ABL2: variants seen among roughly 807,000 people sequenced by gnomAD.
The protein encoded by ABL2 is ABL proto-oncogene 2, non-receptor tyrosine kinase.
ABL2 carries 49 observed loss-of-function variants against 107.7 expected under a neutral mutation model. That is an observed-to-expected ratio of 0.45 (90% CI 0.36 to 0.58). The LOEUF is 0.58. Among genes scored for constraint, ABL2 ranks in the 20% least tolerant of loss-of-function variants. The pLI, the probability that ABL2 is intolerant of heterozygous loss-of-function variation, is 0.00. For missense variants in ABL2, 1,245 were observed against 1,457.0 expected (o/e 0.85, Z 2.37); for synonymous variants, 549 against 548.6 (o/e 1.00, Z -0.01).
At position 179,229,326 on chromosome 1, in the gene ABL2, G is replaced by T. The variant is rs773962365; in HGVS notation, c.72C>A (p.Gly24=). 47 of 1,584,354 alleles carry T rather than the reference G, an allele frequency of 3.0e-5. No individual in the cohort carries two copies. Among genetic ancestry groups the T allele is most frequent in the Non-Finnish European group, 3.9e-5 (46 of 1,168,198 alleles). The change falls in exon 1 of 12, where the codon GGC becomes GGA. Residue 24 remains glycine, a synonymous_variant. Transcript: ENST00000502732. ...GGCCGGAGGGCCTGGCTGCACTGCT[G>T]CCCCGGATCCCGCGGGGCTGAGGCT... ...LQQPQPRGIR[G]SSAARPSGRR...
rs10643666 is a variant in ABL2, at chr1:179,130,726, TTGTGTGTGTGTG to T, written c.391+573_391+584del. 1.4e-3 allele frequency among the ~76,000 whole-genome samples: 200 copies of T among 142,812 alleles called. 1 individual carries two copies. The highest frequency in any genetic ancestry group is 4.6e-3 in the African/African-American group (178 of 38,438). The allele number at this position is 142,812 out of a possible 152,430, so 93.7% of individuals were successfully genotyped here. The stretch of plus-strand genomic sequence containing the variant: ...CAAATAAAATCAATCATTATTGATT[TTGTGTGTGTGTG>T]TGTGTGTGTGTGTGTGTGTGTGTGT... On this transcript the variant is annotated intron_variant, in intron 3 of 11. Transcript: ENST00000502732.
At chr1:179,197,853 G>C (rs1661412033) in intron 1 of ABL2, among the ~76,000 whole-genome samples, 1 of 129,216 alleles carries the variant, frequency 7.7e-6, no homozygotes, top group Non-Finnish European at 1.6e-5. Context: ...TGGGTGACAA[G>C]AACGAAACTG....
intron 1 of ABL2, among the ~76,000 whole-genome samples, chr1:179,165,279 G>C (rs1659311892): frequency 6.6e-6 from 1 of 152,198 alleles, no homozygotes. Flanking sequence ...GGAAGGATGA[G>C]ATCTGTGTCC....
chr1:179,211,006 C>A (rs572730592), intron 1 of ABL2, among the ~76,000 whole-genome samples: 6 of 152,160 alleles, frequency 3.9e-5, no homozygotes, highest in African/African-American at 1.4e-4. Context: ...GAGCTGACGC[C>A]ACCTTGACAA....
chr1:179,229,290 G>A lies in ABL2; in HGVS notation c.108C>T (p.Asp36=). ...SAARPSGRRR[D]PAGRTTETGF... ...CGGTCTCTGTGGTGCGCCCCGCCGG[G>A]TCCCGCCTGCGGCCGGAGGGCCTGG... The change falls in exon 1 of 12, where the codon GAC becomes GAT. Residue 36 remains aspartate, a synonymous_variant. Coordinates refer to ENST00000502732, the MANE Select transcript of ABL2 (RefSeq NM_007314.4). 6.4e-7 allele frequency: 1 copy of A among 1,572,748 alleles called. No homozygotes were observed.
At chr1:179,147,363 T>C (rs1189014138) in intron 1 of ABL2, among the ~76,000 whole-genome samples, 1 of 152,140 alleles carries the variant, frequency 6.6e-6, no homozygotes, top group Non-Finnish European at 1.5e-5. Flanking sequence ...CACTACTGGG[T>C]ATCTACCCAA....
intron 1 of ABL2, among the ~76,000 whole-genome samples, chr1:179,195,920 G>A (rs886899323): frequency 6.6e-6 from 1 of 152,350 alleles, no homozygotes; most frequent in Non-Finnish European, 1.5e-5. Context: ...CAGATGCAGA[G>A]CTTCAGTCTG....
At chr1:179,142,932 C>T (rs764609122) in intron 1 of ABL2, 1 of 1,613,820 alleles carries the variant, frequency 6.2e-7, no homozygotes, top group Admixed American at 1.7e-5. Flanking sequence ...CTGAACCATA[C>T]CTGTTAAGTC....
At position 179,107,920 on chromosome 1, in the gene ABL2, A is replaced by G; in HGVS notation, c.3347T>C (p.Leu1116Pro). The change falls in exon 12 of 12, where the codon CTG becomes CCG. Residue 1116 changes from leucine to proline, a missense_variant. Coordinates refer to ENST00000502732, the MANE Select transcript of ABL2 (RefSeq NM_007314.4). ...CACATAGCCTGAGCAGTAGTCAAGC[A>G]GCTGGTGTCCAGTGTCTACCAGCTG... is the stretch of plus-strand genomic sequence containing the variant. Reference protein sequence around the residue: ...NSQLVDTGHQLLDYCSGYVDC... With the variant: ...NSQLVDTGHQPLDYCSGYVDC... The G allele has an allele frequency of 6.2e-7, 1 of 1,614,250 alleles. No individual in the cohort carries two copies. The highest frequency in any genetic ancestry group is 8.5e-7 in the Non-Finnish European group (1 of 1,180,044).
intron 1 of ABL2, among the ~76,000 whole-genome samples, chr1:179,141,115 C>CAA (rs34158477): frequency 1.9e-3 from 117 of 62,730 alleles, no homozygotes; most frequent in Middle Eastern, 0.01. Flanking sequence ...GACTCTGTCT[C>CAA]AAAAAAAAAA....
intron 1 of ABL2, among the ~76,000 whole-genome samples, chr1:179,146,625 G>T (rs1288190795): frequency 6.6e-6 from 1 of 152,090 alleles, no homozygotes; most frequent in East Asian, 1.9e-4. Flanking sequence ...GGCAGGATCA[G>T]GCGGAGATAA....
At position 179,107,540 on chromosome 1, in the gene ABL2, G is replaced by T; in HGVS notation, c.*178C>A. ...AATTTACCTCTCCTATACTTATGTGGTTTGCTTCTTATTTTTGAGATGAAA... is the reference window on the plus strand; with the variant it reads ...AATTTACCTCTCCTATACTTATGTGTTTTGCTTCTTATTTTTGAGATGAAA... On this transcript the variant is annotated 3_prime_UTR_variant, in exon 12 of 12. Transcript: ENST00000502732. 2 of 1,301,610 alleles carry T rather than the reference G, an allele frequency of 1.5e-6. No homozygotes were observed. Among genetic ancestry groups the T allele is most frequent in the Admixed American group, 3.0e-5 (1 of 33,870 alleles). 80.6% of individuals were successfully genotyped at this position (1,301,610 alleles called of 1,614,324 possible). A position where few individuals can be genotyped will look rare whatever the true frequency, so the allele number is the denominator to read the frequency against.
At chr1:179,115,344 A>C (rs188671454) in intron 8 of ABL2, among the ~76,000 whole-genome samples, 1 of 152,352 alleles carries the variant, frequency 6.6e-6, no homozygotes, top group Admixed American at 6.5e-5. Flanking sequence ...CTATTCTTAG[A>C]AAAGTTTTTG....
At position 179,106,116 on chromosome 1, in the gene ABL2, T is replaced by G. The variant is rs1212261672; in HGVS notation, c.*1602A>C. Reference sequence around the variant, plus strand: ...CTAATATTCCTTTGAGAGAATAAAATAAAAATATGTGTGTATTGAGCTCTC... The same window carrying G: ...CTAATATTCCTTTGAGAGAATAAAAGAAAAATATGTGTGTATTGAGCTCTC... On this transcript the variant is annotated 3_prime_UTR_variant, in exon 12 of 12. Coordinates refer to ENST00000502732, the MANE Select transcript of ABL2 (RefSeq NM_007314.4). The G allele has an allele frequency of 4.6e-5, 10 of 218,946 alleles. No homozygotes were observed. The highest frequency in any genetic ancestry group is 7.3e-5 in the Non-Finnish European group (8 of 109,096). 13.6% of individuals were successfully genotyped at this position (218,946 alleles called of 1,614,324 possible). A position where few individuals can be genotyped will look rare whatever the true frequency, so the allele number is the denominator to read the frequency against.
rs1653347562 is a variant in ABL2, at chr1:179,104,532, T to C, written c.*3186A>G. ...TAATGACCTCTATGTACAGAGGTCA[T>C]CTAGAAAAACACTGAATGAATTTCT... On this transcript the variant is annotated 3_prime_UTR_variant, in exon 12 of 12. Coordinates refer to ENST00000502732, the MANE Select transcript of ABL2 (RefSeq NM_007314.4). 9.5e-6 allele frequency: 2 copies of C among 209,558 alleles called. No individual in the cohort carries two copies. The highest frequency in any genetic ancestry group is 1.9e-5 in the Non-Finnish European group (2 of 103,004). 13.0% of individuals were successfully genotyped at this position (209,558 alleles called of 1,614,324 possible).
chr1:179,189,076 G>A (rs764165736), intron 1 of ABL2, among the ~76,000 whole-genome samples: 4 of 152,088 alleles, frequency 2.6e-5, no homozygotes, highest in Non-Finnish European at 4.4e-5. Context: ...CTCATGATGT[G>A]GAACACTAAT....
At position 179,121,669 on chromosome 1, in the gene ABL2, C is replaced by T; in HGVS notation, c.886G>A (p.Gly296Ser). ...ACGTAAACCTCTCCATACTGACCGC[C>T]CCCAAGTTTGTGCTTCATGGTAATA... ...TDITMKHKLGGGQYGEVYVGV... is the reference protein window; with the variant it reads ...TDITMKHKLGSGQYGEVYVGV... Residue 296 changes from glycine to serine, a missense_variant, in exon 5 of 12, where the codon GGC becomes AGC. Physicochemically the swap from Gly to Ser is moderately conservative, Grantham distance 56 (BLOSUM62 0). Transcript: ENST00000502732. 6.2e-7 allele frequency: 1 copy of T among 1,614,166 alleles called. No homozygotes were observed. The highest frequency in any genetic ancestry group is 8.5e-7 in the Non-Finnish European group (1 of 1,180,046).
chr1:179,222,539 C>T (rs775406565), intron 1 of ABL2, among the ~76,000 whole-genome samples: 3 of 151,936 alleles, frequency 2.0e-5, no homozygotes, highest in Admixed American at 6.6e-5. Context: ...TATAGGTGCG[C>T]GCCACCATGC....
At chr1:179,156,445 A>C (rs1658696126) in intron 1 of ABL2, among the ~76,000 whole-genome samples, 1 of 152,236 alleles carries the variant, frequency 6.6e-6, no homozygotes, top group South Asian at 2.1e-4. Context: ...TTGTTGCTCA[A>C]ATAATTTATA....
Sources: gnomAD v4.1 joint callset for allele counts (sites outside exome capture counted in the v4.1 genomes callset) on GRCh38, gnomAD v4.1.1 for gene constraint, MANE v1.5 for transcripts, NCBI Gene and HGNC (gene_info 2026-07-23, HGNC 2026-07-21) for gene names.